Variants in FAT4 observed in about 807,000 individuals in gnomAD.
FAT4 encodes FAT atypical cadherin 4, also known as protocadherin Fat 4.
In FAT4, 84 loss-of-function variants were observed where a neutral mutation model predicts 303.9. That is an observed-to-expected ratio of 0.28 (90% CI 0.23 to 0.33). FAT4 has a LOEUF of 0.33. Ranked by LOEUF, FAT4 falls within the 10% of genes least tolerant of loss-of-function variation. The probability of loss-of-function intolerance (pLI) is 1.00; values close to 1 mark genes in which losing one functional copy is unlikely to be tolerated. For synonymous variants in FAT4, 2,307 were observed against 2,298.8 expected, an observed-to-expected ratio of 1.00 and a Z score of -0.10; for missense variants, 6,005 against 6,146.8, an observed-to-expected ratio of 0.98 and a Z score of 0.77.
At chr4:125,474,486 T>A (rs1257057058) in intron 12 of FAT4, among the ~76,000 whole-genome samples, 6 of 151,986 alleles carry the variant, frequency 3.9e-5, no homozygotes, top group Non-Finnish European at 8.8e-5. Context: ...TGCCAGAGAA[T>A]TGGAAGTATA....
rs77082517 is a variant in FAT4, at chr4:125,433,220, A to G, written c.7019-1025A>G. 5.9e-3 allele frequency among the ~76,000 whole-genome samples: 897 copies of G among 152,308 alleles called. 41 individuals are homozygous for G. The East Asian group carries it at 0.086, about 15-fold the overall frequency. On this transcript the variant is annotated intron_variant, in intron 7 of 17. Transcript: ENST00000394329. Reference sequence around the variant, plus strand: ...TCCATAAACATTTTACAAATAAATGAATGAGTGGCTTTATTTACAGAATAT... The same window carrying G: ...TCCATAAACATTTTACAAATAAATGGATGAGTGGCTTTATTTACAGAATAT...
intron 2 of FAT4, among the ~76,000 whole-genome samples, chr4:125,384,642 AG>A (rs1343964354): frequency 6.6e-6 from 1 of 152,096 alleles, no homozygotes; most frequent in Non-Finnish European, 1.5e-5. Flanking sequence ...AAAGCAAAAA[AG>A]GTTTAAATTG....
At chr4:125,354,195 TAATA>T (rs1372694904) in intron 2 of FAT4, among the ~76,000 whole-genome samples, 2 of 151,702 alleles carry the variant, frequency 1.3e-5, no homozygotes, top group African/African-American at 4.8e-5. Context: ...TTTTCATAGG[TAATA>T]AATGGGCAAA....
chr4:125,431,380 C>T (rs982338313), intron 7 of FAT4, among the ~76,000 whole-genome samples: 1 of 151,998 alleles, frequency 6.6e-6, no homozygotes, highest in Non-Finnish European at 1.5e-5. Flanking sequence ...GTATTTTTAC[C>T]ACAAGTGAAT....
intron 2 of FAT4, among the ~76,000 whole-genome samples, chr4:125,361,393 T>C (rs2125985105): frequency 6.6e-6 from 1 of 152,228 alleles, no homozygotes; most frequent in African/African-American, 2.4e-5. Flanking sequence ...TGAGATGGCA[T>C]GTGACAGTCA....
At chr4:125,411,319 A>G (rs1174267035) in intron 5 of FAT4, among the ~76,000 whole-genome samples, 1 of 152,036 alleles carries the variant, frequency 6.6e-6, no homozygotes, top group Non-Finnish European at 1.5e-5. Context: ...ACTACTAAGC[A>G]TGCGGTATTA....
chr4:125,345,316 T>G (rs1330686284), intron 2 of FAT4, among the ~76,000 whole-genome samples: 1 of 152,070 alleles, frequency 6.6e-6, no homozygotes, highest in Non-Finnish European at 1.5e-5. Flanking sequence ...ATTAAGGTGC[T>G]AAGATTGCCT....
At chr4:125,394,825 G>A (rs1053011620) in intron 2 of FAT4, among the ~76,000 whole-genome samples, 3 of 152,122 alleles carry the variant, frequency 2.0e-5, no homozygotes, top group Admixed American at 2.0e-4. Context: ...ACAAATTTCT[G>A]GAATCAAGAT....
At chr4:125,440,441 A>AT (rs931367654) in intron 8 of FAT4, among the ~76,000 whole-genome samples, 2 of 151,656 alleles carry the variant, frequency 1.3e-5, no homozygotes, top group Admixed American at 6.6e-5. Context: ...TCTTTTTGGC[A>AT]TTTTTTCCTG....
intron 2 of FAT4, among the ~76,000 whole-genome samples, chr4:125,331,760 A>G (rs1259249487): frequency 6.6e-6 from 1 of 152,218 alleles, no homozygotes; most frequent in Non-Finnish European, 1.5e-5. Context: ...TACTTTTAAT[A>G]TTGATAACTT....
Position 125,325,488 on chromosome 4 carries a change from A to C in FAT4, c.5175+3902A>C, listed in dbSNP as rs140960530. ...ATGATAAAAAGAAAAGATTATGCATACTCAAATATTTAAAAAGAAACAGTT... is the reference window on the plus strand; with the variant it reads ...ATGATAAAAAGAAAAGATTATGCATCCTCAAATATTTAAAAAGAAACAGTT... On this transcript the variant is annotated intron_variant, in intron 2 of 17. Transcript: ENST00000394329. Among the ~76,000 whole-genome samples the C allele has an allele frequency of 2.7e-3, 408 of 152,280 alleles. 6 individuals are homozygous for C. The highest frequency in any genetic ancestry group is 9.1e-3 in the African/African-American group (379 of 41,568).
chr4:125,317,772 C>T lies in FAT4; in HGVS notation c.1361C>T (p.Ala454Val). 1 of 1,614,168 alleles carries T rather than the reference C, an allele frequency of 6.2e-7. No homozygotes were observed. The highest frequency in any genetic ancestry group is 8.5e-7 in the Non-Finnish European group (1 of 1,180,034). ...YGAPPGAAVQARSSVASLVIF... is the reference protein window; with the variant it reads ...YGAPPGAAVQVRSSVASLVIF... ...GCGCCCCCTGGCGCAGCAGTCCAGG[C>T]GCGCTCTTCTGTGGCAAGCCTGGTG... The change falls in exon 2 of 18, where the codon GCG becomes GTG. Residue 454 changes from alanine (A) to valine (V), a missense_variant. Transcript: ENST00000394329. This position sits in a 1 kb window ranked among gnomAD's most constrained non-coding sequence, Gnocchi z 7.0.
At chr4:125,323,208 G>C (rs1731023774) in intron 2 of FAT4, among the ~76,000 whole-genome samples, 1 of 152,142 alleles carries the variant, frequency 6.6e-6, no homozygotes, top group African/African-American at 2.4e-5. Flanking sequence ...GTTTGGTTCA[G>C]TGTAGTACAT....
At position 125,491,375 on chromosome 4, in the gene FAT4, A is replaced by G. The variant is rs1365564714; in HGVS notation, c.14559A>G (p.Ser4853=). The G allele has an allele frequency of 1.2e-6, 2 of 1,614,226 alleles. No individual in the cohort carries two copies. The highest frequency in any genetic ancestry group is 1.7e-6 in the Non-Finnish European group (2 of 1,180,032). The change falls in exon 18 of 18, where the codon TCA becomes TCG. Residue 4853 remains serine, a synonymous_variant. Coordinates refer to ENST00000394329, the MANE Select transcript of FAT4 (RefSeq NM_001291303.3). ...ACTCCCATGAATCTTTCACTTGCTCAGAAATGGAATATGACAGGGAGAAGC... is the reference window on the plus strand; with the variant it reads ...ACTCCCATGAATCTTTCACTTGCTCGGAAATGGAATATGACAGGGAGAAGC... ...DSDSHESFTC[S]EMEYDREKPM... is the part of the protein sequence containing the mutation.
rs1157589624 is a variant in FAT4, at chr4:125,384,793, G to A, written c.5176-13991G>A. The stretch of plus-strand genomic sequence containing the variant: ...ACTAGACAGTAAATGTGAACACCTG[G>A]GTATTTTGTATCCTAAGCAACAAGC... On this transcript the variant is annotated intron_variant, in intron 2 of 17. Transcript: ENST00000394329. Among the ~76,000 whole-genome samples, 6 of 151,690 alleles carry A rather than the reference G, an allele frequency of 4.0e-5. No individual in the cohort carries two copies. In the East Asian group the frequency reaches 1.2e-3, roughly 30 times the overall value.
At position 125,322,473 on chromosome 4, in the gene FAT4, A is replaced by G. The variant is rs150371698; in HGVS notation, c.5175+887A>G. Among the ~76,000 whole-genome samples the G allele has an allele frequency of 2.9e-4, 44 of 152,314 alleles. 1 individual carries two copies. The highest frequency in any genetic ancestry group is 9.1e-4 in the African/African-American group (38 of 41,578). ...TTCAATGTTATTTTGATAATCAACT[A>G]GAAATGATATAGCTATACTCCAGAA... is the stretch of plus-strand genomic sequence containing the variant. On this transcript the variant is annotated intron_variant, in intron 2 of 17. Transcript: ENST00000394329.
At chr4:125,431,039 A>G (rs1725266014) in intron 7 of FAT4, among the ~76,000 whole-genome samples, 1 of 109,496 alleles carries the variant, frequency 9.1e-6, no homozygotes, top group African/African-American at 2.7e-5. Context: ...ATCTACAGTA[A>G]TGTATCAACA....
At position 125,416,630 on chromosome 4, in the gene FAT4, C is replaced by T; in HGVS notation, c.7018+8C>T. Reference sequence around the variant, plus strand: ...TTACAGCTACAGATTCAGGTAAGTCCATTACACCCTTGTTCATTTGTAGAT... The same window carrying T: ...TTACAGCTACAGATTCAGGTAAGTCTATTACACCCTTGTTCATTTGTAGAT... On this transcript the variant is annotated splice_region_variant and intron_variant, in intron 7 of 17. Transcript: ENST00000394329. 4 of 1,612,744 alleles carry T rather than the reference C, an allele frequency of 2.5e-6. No homozygotes were observed. The highest frequency in any genetic ancestry group is 1.1e-5 in the South Asian group (1 of 90,994).
chr4:125,479,855 C>T lies in FAT4; in HGVS notation c.12594C>T (p.Tyr4198=). The T allele has an allele frequency of 1.3e-6, 2 of 1,586,802 alleles. No homozygotes were observed. Among genetic ancestry groups the T allele is most frequent in the Non-Finnish European group, 8.6e-7 (1 of 1,161,770 alleles). ...CHCKEGLTGK[Y]CEKSVTPDTA... is the part of the protein sequence containing the mutation. ...GCAAAGAGGGACTCACTGGGAAATA[C>T]TGTGAAAAATGTATGTAAGGTCTTC... is the stretch of plus-strand genomic sequence containing the variant. Residue 4198 remains tyrosine, a synonymous_variant, in exon 15 of 18, where the codon TAC becomes TAT. Coordinates refer to ENST00000394329, the MANE Select transcript of FAT4 (RefSeq NM_001291303.3).
Sources: allele counts gnomAD v4.1 joint callset (sites outside exome capture counted in the v4.1 genomes callset), GRCh38; gene constraint gnomAD v4.1.1; non-coding constraint Gnocchi (gnomAD v3.1); transcripts MANE v1.5; gene names NCBI Gene and HGNC (gene_info 2026-07-23, HGNC 2026-07-21).